Variants in FBXO4 observed in about 807,000 individuals in gnomAD.
The protein encoded by FBXO4 is F-box only protein 4.
In FBXO4, 36 loss-of-function variants were observed where a neutral mutation model predicts 43.7. The observed-to-expected ratio is 0.82, with a 90% CI of 0.63 to 1.09. The LOEUF is 1.09. FBXO4 is among the 50% of genes least tolerant of loss of function. The pLI, the probability that FBXO4 is intolerant of heterozygous loss-of-function variation, is 0.00. For missense variants in FBXO4, 435 were observed against 474.1 expected, an observed-to-expected ratio of 0.92 and a Z score of 0.77; for synonymous variants, 180 against 165.6, an observed-to-expected ratio of 1.09 and a Z score of -0.67.
chr5:42,031,756 GT>G, the FBXO4 span, among the ~76,000 whole-genome samples: 1 of 151,986 alleles, frequency 6.6e-6, no homozygotes, highest in Non-Finnish European at 1.5e-5. Flanking sequence ...GTTCTTCAGT[GT>G]CTGGCATTGA....
the FBXO4 span, among the ~76,000 whole-genome samples, chr5:42,040,337 C>T: frequency 1.3e-5 from 2 of 152,018 alleles, no homozygotes; most frequent in Non-Finnish European, 2.9e-5. Flanking sequence ...ACTGTTCTGT[C>T]CGCACTGTTT....
At chr5:41,971,761 A>G in the FBXO4 span, among the ~76,000 whole-genome samples, 2 of 152,112 alleles carry the variant, frequency 1.3e-5, no homozygotes, top group African/African-American at 2.4e-5. Context: ...TTAAAGGAAG[A>G]AATAGATTGA....
intron 5 of FBXO4, among the ~76,000 whole-genome samples, chr5:41,939,081 GA>G (rs1751928467): frequency 6.6e-6 from 1 of 152,184 alleles, no homozygotes; most frequent in Non-Finnish European, 1.5e-5. Flanking sequence ...TTGGAACATT[GA>G]GGCTATCTTA....
chr5:41,951,939 TG>T, the FBXO4 span: 1 of 322,044 alleles, frequency 3.1e-6, no homozygotes, highest in Non-Finnish European at 6.0e-6. Context: ...CAGCACAGCC[TG>T]GTGGTCAGTA....
At chr5:42,016,046 G>A in the FBXO4 span, among the ~76,000 whole-genome samples, 1 of 151,980 alleles carries the variant, frequency 6.6e-6, no homozygotes. Flanking sequence ...AAGGGAGAAC[G>A]GACATTAACA....
At chr5:41,957,959 A>AT in the FBXO4 span, among the ~76,000 whole-genome samples, 1 of 152,094 alleles carries the variant, frequency 6.6e-6, no homozygotes, top group African/African-American at 2.4e-5. Flanking sequence ...TCTTTTTAAA[A>AT]TTTTATGTAC....
chr5:41,966,589 T>G, the FBXO4 span, among the ~76,000 whole-genome samples: 1 of 152,218 alleles, frequency 6.6e-6, no homozygotes. Flanking sequence ...AGGAAAATGA[T>G]TAACATGTAG....
At chr5:41,937,215 T>C (rs995684634) in intron 5 of FBXO4, among the ~76,000 whole-genome samples, 1 of 152,082 alleles carries the variant, frequency 6.6e-6, no homozygotes, top group Non-Finnish European at 1.5e-5. Context: ...AAAATACATC[T>C]AGGCACATCA....
Position 41,925,360 on chromosome 5 carries a change from C to T in FBXO4, c.51C>T (p.Phe17=). 2 of 1,373,230 alleles carry T rather than the reference C, an allele frequency of 1.5e-6. No homozygotes were observed. The highest frequency in any genetic ancestry group is 1.7e-5 in the South Asian group (1 of 58,392). 85.1% of individuals were successfully genotyped at this position (1,373,230 alleles called of 1,614,324 possible). Residue 17 remains phenylalanine (F), a synonymous_variant, in exon 1 of 7, where the codon TTC becomes TTT. Coordinates refer to ENST00000281623, the MANE Select transcript of FBXO4 (RefSeq NM_012176.3). The stretch of plus-strand genomic sequence containing the variant: ...GAACAAACTCGCCGCCGCCGCCCTT[C>T]AGCGACTGGGGCCGCCTGGAGGCGG... The part of the protein sequence containing the change: ...RSGTNSPPPP[F]SDWGRLEAAI...
At chr5:41,981,718 G>GT in the FBXO4 span, among the ~76,000 whole-genome samples, 739 of 148,178 alleles carry the variant, frequency 5.0e-3, 7 homozygotes, top group African/African-American at 0.017. Flanking sequence ...TCTTTTTTTT[G>GT]GTTTTTGGTT....
chr5:41,971,237 T>C, the FBXO4 span, among the ~76,000 whole-genome samples: 1 of 151,266 alleles, frequency 6.6e-6, no homozygotes, highest in South Asian at 2.1e-4. Context: ...TGTGTGTATG[T>C]GTGTGTGTGT....
chr5:41,965,020 T>C, the FBXO4 span, among the ~76,000 whole-genome samples: 6 of 152,260 alleles, frequency 3.9e-5, no homozygotes. Context: ...GTTTTAGGTC[T>C]AACATTTAAG....
the FBXO4 span, among the ~76,000 whole-genome samples, chr5:42,022,539 C>G: frequency 1.3e-5 from 2 of 152,174 alleles, no homozygotes; most frequent in Non-Finnish European, 1.5e-5. Flanking sequence ...TACTCTGATG[C>G]TATTTTACCA....
At chr5:41,958,382 C>T in the FBXO4 span, among the ~76,000 whole-genome samples, 12 of 152,182 alleles carry the variant, frequency 7.9e-5, no homozygotes, top group African/African-American at 2.4e-4. Context: ...GATCGCCCAC[C>T]TTGTCCTCCC....
downstream of FBXO4, among the ~76,000 whole-genome samples, chr5:41,943,853 A>G (rs904959494): frequency 6.6e-6 from 1 of 152,202 alleles, no homozygotes; most frequent in Non-Finnish European, 1.5e-5. Flanking sequence ...AGAGAGAATT[A>G]AGGTTAAATG....
At chr5:41,938,794 G>C (rs1226918513) in intron 5 of FBXO4, among the ~76,000 whole-genome samples, 1 of 152,156 alleles carries the variant, frequency 6.6e-6, no homozygotes, top group Non-Finnish European at 1.5e-5. Flanking sequence ...TTTCTTGCTA[G>C]CTGTCAGCTG....
At chr5:41,968,672 T>G in the FBXO4 span, among the ~76,000 whole-genome samples, 3 of 152,206 alleles carry the variant, frequency 2.0e-5, no homozygotes, top group Non-Finnish European at 4.4e-5. Flanking sequence ...ATTAAACACC[T>G]TTTTTTAAAT....
intron 3 of FBXO4, among the ~76,000 whole-genome samples, chr5:41,930,489 G>A (rs1579976178): frequency 2.0e-5 from 3 of 152,148 alleles, no homozygotes; most frequent in East Asian, 1.9e-4. Flanking sequence ...ATAGACAAGT[G>A]TACAGATAAC....
chr5:41,994,546 C>T, the FBXO4 span, among the ~76,000 whole-genome samples: 1 of 152,102 alleles, frequency 6.6e-6, no homozygotes, highest in East Asian at 1.9e-4. Flanking sequence ...CTAGCCCTGC[C>T]GGATTGGACT....
Sources: gnomAD v4.1 joint callset for allele counts (sites outside exome capture counted in the v4.1 genomes callset) on GRCh38, gnomAD v4.1.1 for gene constraint, MANE v1.5 for transcripts, NCBI Gene and HGNC (gene_info 2026-07-23, HGNC 2026-07-21) for gene names.